The following LTBP1 variants were observed in gnomAD, a reference collection of about 807,000 sequenced individuals.
The protein encoded by LTBP1 is latent transforming growth factor beta binding protein 1, also known as latent-transforming growth factor beta-binding protein 1.
In LTBP1, 129 loss-of-function variants were observed where a neutral mutation model predicts 207.6. The ratio of observed to expected loss-of-function variants is 0.62; its 90% CI spans 0.54 to 0.72. The LOEUF (loss-of-function observed/expected upper bound fraction) is 0.72. Ranked by LOEUF, LTBP1 falls within the 30% of genes least tolerant of loss-of-function variation. The pLI is 0.00. For missense variants in LTBP1, 2,281 were observed against 2,217.2 expected, an observed-to-expected ratio of 1.03 and a Z score of -0.58; for synonymous variants, 963 against 833.7, an observed-to-expected ratio of 1.16 and a Z score of -2.67.
chr2:33,213,294 C>T (rs759483643), intron 7 of LTBP1, among the ~76,000 whole-genome samples: 1 of 152,108 alleles, frequency 6.6e-6, no homozygotes, highest in Non-Finnish European at 1.5e-5. Flanking sequence ...ATTACTTATT[C>T]GTAAGACACA....
At chr2:33,155,675 T>C (rs1430351043) in intron 5 of LTBP1, among the ~76,000 whole-genome samples, 1 of 152,156 alleles carries the variant, frequency 6.6e-6, no homozygotes, top group Admixed American at 6.5e-5. Flanking sequence ...TCTAAAAACT[T>C]TTCTCCTTTG....
At chr2:33,336,082 A>C (rs2094550798) in intron 24 of LTBP1, among the ~76,000 whole-genome samples, 1 of 152,184 alleles carries the variant, frequency 6.6e-6, no homozygotes, top group Non-Finnish European at 1.5e-5. Context: ...TCTAGTGTCT[A>C]GATTTCAAGT....
At chr2:33,335,556 A>G (rs1044510739) in intron 24 of LTBP1, among the ~76,000 whole-genome samples, 2 of 152,062 alleles carry the variant, frequency 1.3e-5, no homozygotes, top group African/African-American at 4.8e-5. Context: ...CCATCTCCCA[A>G]TCCAGTTTTT....
intron 3 of LTBP1, among the ~76,000 whole-genome samples, chr2:33,101,503 T>G (rs1277393428): frequency 6.6e-6 from 1 of 152,210 alleles, no homozygotes; most frequent in East Asian, 1.9e-4. Context: ...TGAGGCGATG[T>G]TATTACCCTT....
chr2:33,347,296 C>A, intron 25 of LTBP1, 71 bp from the exon 26 acceptor site: 2 of 1,571,970 alleles, frequency 1.3e-6, no homozygotes, highest in African/African-American at 1.3e-5. Flanking sequence ...TTAGCCCTGG[C>A]ACAGCTGGTA....
At chr2:33,038,000 A>T (rs1041853023) in intron 3 of LTBP1, among the ~76,000 whole-genome samples, 2 of 152,242 alleles carry the variant, frequency 1.3e-5, no homozygotes, top group African/African-American at 4.8e-5. Context: ...CTTACAGGGC[A>T]TGAGCCACCG....
rs10195782 is a variant in LTBP1 at position 33,194,882 on chromosome 2, T to C, written c.1701+6031T>C. Among the ~76,000 whole-genome samples the C allele has an allele frequency of 3.3e-5, 5 of 152,290 alleles. No homozygotes were observed. The East Asian group carries it at 9.6e-4, about 29-fold the overall frequency. Reference sequence around the variant, plus strand: ...AAGGGCTAATGCAGCTGGTGACTTTTAGTTGCAGCCAGTGCTCATAGGCTG... The same window carrying C: ...AAGGGCTAATGCAGCTGGTGACTTTCAGTTGCAGCCAGTGCTCATAGGCTG... On this transcript the variant is annotated intron_variant, in intron 7 of 33. Coordinates refer to ENST00000404816, the MANE Select transcript of LTBP1 (RefSeq NM_206943.4).
chr2:33,039,299 GA>G (rs201788813), intron 3 of LTBP1, among the ~76,000 whole-genome samples: 8 of 143,220 alleles, frequency 5.6e-5, no homozygotes, highest in African/African-American at 7.7e-5. Context: ...TCTGACAGGA[GA>G]AAAAAAAAAC....
At chr2:33,120,883 T>C (rs2081068049) in intron 4 of LTBP1, among the ~76,000 whole-genome samples, 1 of 152,238 alleles carries the variant, frequency 6.6e-6, no homozygotes, top group Admixed American at 6.5e-5. Context: ...CAAAGTACTA[T>C]GCTATTAAAA....
chr2:33,075,913 C>A (rs980256715), intron 3 of LTBP1, among the ~76,000 whole-genome samples: 3 of 152,158 alleles, frequency 2.0e-5, no homozygotes, highest in Non-Finnish European at 2.9e-5. Context: ...GGCATTAGGT[C>A]CTCTTTTCAG....
chr2:33,080,230 G>C (rs1231154950), intron 3 of LTBP1, among the ~76,000 whole-genome samples: 1 of 152,096 alleles, frequency 6.6e-6, no homozygotes, highest in Non-Finnish European at 1.5e-5. Flanking sequence ...GTTTCACCAT[G>C]TTGGCCAGGC....
At chr2:33,053,969 C>T (rs1356795817) in intron 3 of LTBP1, among the ~76,000 whole-genome samples, 5 of 152,142 alleles carry the variant, frequency 3.3e-5, no homozygotes, top group African/African-American at 1.2e-4. Flanking sequence ...GAGGGCTATC[C>T]CTAAACCCCT....
intron 8 of LTBP1, among the ~76,000 whole-genome samples, chr2:33,220,838 T>G (rs998512517): frequency 6.6e-6 from 1 of 152,102 alleles, no homozygotes; most frequent in Non-Finnish European, 1.5e-5. Flanking sequence ...GATGCCTCAC[T>G]CTGATCTTCT....
At chr2:33,046,524 T>C (rs2076453853) in intron 3 of LTBP1, among the ~76,000 whole-genome samples, 1 of 152,224 alleles carries the variant, frequency 6.6e-6, no homozygotes, top group Admixed American at 6.5e-5. Context: ...GCCAGTATTT[T>C]ATGGAGGATT....
At chr2:33,094,472 A>G (rs13027016) in intron 3 of LTBP1, among the ~76,000 whole-genome samples, 10,671 of 152,286 alleles carry the variant, frequency 0.07, 494 homozygotes, top group South Asian at 0.19. Context: ...CCTCACCTGT[A>G]GAATGAGGAG....
At chr2:33,151,177 C>G (rs1236580275) in intron 5 of LTBP1, among the ~76,000 whole-genome samples, 3 of 152,050 alleles carry the variant, frequency 2.0e-5, no homozygotes, top group Non-Finnish European at 1.5e-5. Context: ...TTGTTTCTAC[C>G]TTTTTGCTAT....
chr2:33,374,706 G>A (rs1468840655), intron 31 of LTBP1, among the ~76,000 whole-genome samples: 1 of 152,202 alleles, frequency 6.6e-6, no homozygotes, highest in East Asian at 1.9e-4. Flanking sequence ...TGTAACCTCA[G>A]CACTTGGGAG....
chr2:33,194,922 T>C (rs764884401), intron 7 of LTBP1, among the ~76,000 whole-genome samples: 1 of 152,234 alleles, frequency 6.6e-6, no homozygotes, highest in Non-Finnish European at 1.5e-5. Flanking sequence ...GAAAATTCTA[T>C]GGCCCTTAAG....
At chr2:33,326,463 T>C (rs1003685266) in intron 24 of LTBP1, among the ~76,000 whole-genome samples, 7 of 151,826 alleles carry the variant, frequency 4.6e-5, no homozygotes, top group Non-Finnish European at 2.9e-5. Context: ...GTTGATACAG[T>C]TCGAAATGTA....
Sources: allele counts gnomAD v4.1 joint callset (sites outside exome capture counted in the v4.1 genomes callset), GRCh38; gene constraint gnomAD v4.1.1; transcripts MANE v1.5; gene names NCBI Gene and HGNC (gene_info 2026-07-23, HGNC 2026-07-21).